The following GET3 variants were observed in gnomAD, a reference collection of about 807,000 sequenced individuals.
GET3 encodes the protein guided entry of tail-anchored proteins factor 3, ATPase, also known as ATPase GET3.
GET3 carries 15 observed loss-of-function variants against 32.4 expected under a neutral mutation model. The ratio of observed to expected loss-of-function variants is 0.46; its 90% CI spans 0.31 to 0.71. The LOEUF is 0.71. GET3 is among the 30% of genes least tolerant of loss of function. GET3 has a pLI of 0.05. For synonymous variants in GET3, 198 were observed against 185.6 expected, an observed-to-expected ratio of 1.07 and a Z score of -0.54; for missense variants, 333 against 459.0, an observed-to-expected ratio of 0.73 and a Z score of 2.51.
rs753293794 is a variant in GET3, at chr19:12,745,647, A to G, written c.497A>G (p.Asp166Gly). The change falls in exon 4 of 7, where the codon GAC (aspartate) becomes GGC (glycine). Residue 166 changes from aspartate to glycine, a missense_variant. Transcript: ENST00000357332. The surrounding 1 kb of genome is among the most constrained non-coding windows in gnomAD (Gnocchi z 5.0). Reference sequence around the variant, plus strand: ...ATGAACTTCTCGGTGGTGGTATTTGACACGGCACCCACGGGCCACACCCTG... The same window carrying G: ...ATGAACTTCTCGGTGGTGGTATTTGGCACGGCACCCACGGGCCACACCCTG... ...KGMNFSVVVF[D>G]TAPTGHTLRL... 8 of 1,603,402 alleles carry G rather than the reference A, an allele frequency of 5.0e-6. No homozygotes were observed. Among genetic ancestry groups the G allele is most frequent in the Non-Finnish European group, 6.8e-6 (8 of 1,176,560 alleles).
intron 2 of GET3, among the ~76,000 whole-genome samples, chr19:12,741,148 T>TC (rs1314892150): frequency 1.3e-5 from 2 of 151,070 alleles, no homozygotes; most frequent in Non-Finnish European, 2.9e-5. Flanking sequence ...ATGGTGGAAC[T>TC]CCATCTCTAC....
chr19:12,742,661 G>A (rs1369292942), intron 2 of GET3, among the ~76,000 whole-genome samples: 3 of 151,946 alleles, frequency 2.0e-5, no homozygotes, highest in East Asian at 1.9e-4. Context: ...TGATCCACCC[G>A]CCTTGGCCTC....
rs142166174 is a variant in GET3, at chr19:12,747,268, C to T, written c.681C>T (p.Pro227=). Residue 227 remains proline (P), a synonymous_variant, in exon 5 of 7, where the codon CCC becomes CCT. Coordinates refer to ENST00000357332, the MANE Select transcript of GET3 (RefSeq NM_004317.4). The surrounding 1 kb of genome is among the most constrained non-coding windows in gnomAD (Gnocchi z 4.0). ...QLASKLEETL[P]VIRSVSEQFK... ...CCTCCAAGCTGGAGGAGACGCTGCC[C>T]GTCATCCGCTCAGTCAGCGAACAGT... The T allele has an allele frequency of 8.0e-5, 129 of 1,612,002 alleles. No homozygotes were observed. The highest frequency in any genetic ancestry group is 5.5e-4 in the African/African-American group (41 of 74,980).
rs1967801167 is a variant in GET3 at position 12,747,741 on chromosome 19, A to T, written c.915+149A>T. 6 of 1,211,610 alleles carry T rather than the reference A, an allele frequency of 5.0e-6. No individual in the cohort carries two copies. The highest frequency in any genetic ancestry group is 6.9e-6 in the Non-Finnish European group (6 of 873,636). 75.1% of individuals were successfully genotyped at this position (1,211,610 alleles called of 1,614,324 possible). On this transcript the variant is annotated intron_variant, in intron 6 of 6. Transcript: ENST00000357332. The surrounding 1 kb of genome is among the most constrained non-coding windows in gnomAD (Gnocchi z 4.0). ...TCCTTCACCCTTATTCCGGCCATAG[A>T]GGACTGTGGCTGGCCTGGCCTAGGT...
chr19:12,739,564 G>GGGAAAACTA (rs1400663948), intron 2 of GET3, among the ~76,000 whole-genome samples: 1 of 152,190 alleles, frequency 6.6e-6, no homozygotes, highest in African/African-American at 2.4e-5. Flanking sequence ...AGCTGGGATG[G>GGGAAAACTA]GGAAAACTAG....
chr19:12,738,994 G>A (rs61349743), intron 2 of GET3, among the ~76,000 whole-genome samples: 1 of 152,166 alleles, frequency 6.6e-6, no homozygotes, highest in Non-Finnish European at 1.5e-5. Flanking sequence ...GGGCAATGTC[G>A]TGGCCAAATT....
At chr19:12,744,364 G>T (rs1384636337) in intron 2 of GET3, among the ~76,000 whole-genome samples, 1 of 152,040 alleles carries the variant, frequency 6.6e-6, no homozygotes, top group Non-Finnish European at 1.5e-5. Flanking sequence ...CTGTCACCCA[G>T]GCTGGAGTGT....
At chr19:12,741,316 C>T (rs1175105872) in intron 2 of GET3, among the ~76,000 whole-genome samples, 1 of 151,840 alleles carries the variant, frequency 6.6e-6, no homozygotes, top group African/African-American at 2.4e-5. Context: ...GTTAGCCGGG[C>T]GTGATGGCGG....
Position 12,748,140 on chromosome 19 carries a change from TCACCCTC to T in GET3, c.*45_*51del. The T allele has an allele frequency of 6.5e-7, 1 of 1,547,294 alleles. No homozygotes were observed. Among genetic ancestry groups the T allele is most frequent in the Non-Finnish European group, 8.8e-7 (1 of 1,139,260 alleles). ...AGCCCCAACCGCTGCCATTTCACAC[TCACCCTC>T]CACCCTCCCCACCCCCTCGGGGCAG... is the stretch of plus-strand genomic sequence containing the variant. On this transcript the variant is annotated 3_prime_UTR_variant, in exon 7 of 7. Transcript: ENST00000357332.
intron 2 of GET3, among the ~76,000 whole-genome samples, chr19:12,741,855 G>A (rs993207803): frequency 5.3e-5 from 8 of 152,276 alleles, no homozygotes; most frequent in African/African-American, 1.9e-4. Flanking sequence ...GGAGGCGGAG[G>A]TCACAGTGAG....
chr19:12,742,913 A>G (rs1967696868), intron 2 of GET3, among the ~76,000 whole-genome samples: 1 of 152,186 alleles, frequency 6.6e-6, no homozygotes. Flanking sequence ...TTTTGCCAAC[A>G]GCAAGGGGAA....
intron 2 of GET3, among the ~76,000 whole-genome samples, chr19:12,741,684 G>C (rs1333584796): frequency 6.6e-6 from 1 of 151,954 alleles, no homozygotes; most frequent in African/African-American, 2.4e-5. Flanking sequence ...GCTTGAACCT[G>C]GGAGACGGAG....
At chr19:12,740,242 A>G (rs990633865) in intron 2 of GET3, among the ~76,000 whole-genome samples, 1 of 151,688 alleles carries the variant, frequency 6.6e-6, no homozygotes, top group Non-Finnish European at 1.5e-5. Context: ...ATAGCTGGGC[A>G]TGGTGGCAGG....
chr19:12,739,508 A>T (rs1967627368), intron 2 of GET3, among the ~76,000 whole-genome samples: 1 of 152,212 alleles, frequency 6.6e-6, no homozygotes, highest in East Asian at 1.9e-4. Flanking sequence ...TACTTGGGTG[A>T]GAAAAAGAAA....
At chr19:12,737,804 C>T (rs950804064) in intron 1 of GET3, 138 bp downstream of exon 1, 7 of 1,193,598 alleles carry the variant, frequency 5.9e-6, no homozygotes, top group Non-Finnish European at 6.7e-6. Flanking sequence ...CTGGAAGTTA[C>T]CTGGAGCAAA....
Position 12,747,683 on chromosome 19 carries a change from C to T in GET3, c.915+91C>T. On this transcript the variant is annotated intron_variant, in intron 6 of 6. Coordinates refer to ENST00000357332, the MANE Select transcript of GET3 (RefSeq NM_004317.4). The surrounding 1 kb of genome is among the most constrained non-coding windows in gnomAD (Gnocchi z 4.0). ...GCTCCACCATCTGGCCCTCTGCCCT[C>T]TAGCCTCCTGCCCTTTGCCCCCACA... The T allele has an allele frequency of 7.0e-7, 1 of 1,438,070 alleles. No homozygotes were observed. The highest frequency in any genetic ancestry group is 1.4e-5 in the African/African-American group (1 of 70,696). The allele number at this position is 1,438,070 out of a possible 1,614,324, so 89.1% of individuals were successfully genotyped here.
rs190655289 is a variant in GET3 at position 12,744,254 on chromosome 19, G to A, written c.310-1123G>A. Among the ~76,000 whole-genome samples the A allele has an allele frequency of 4.0e-5, 6 of 150,952 alleles. No homozygotes were observed. The East Asian group carries it at 1.2e-3, about 30-fold the overall frequency. On this transcript the variant is annotated intron_variant, in intron 2 of 6. Transcript: ENST00000357332. Reference sequence around the variant, plus strand: ...AAAAAAAGAGGGAGGCATTGAGTCTGAGACTGGCCAGGGACCCCAGCCATG... The same window carrying A: ...AAAAAAAGAGGGAGGCATTGAGTCTAAGACTGGCCAGGGACCCCAGCCATG...
At position 12,748,248 on chromosome 19, in the gene GET3, G is replaced by C; in HGVS notation, c.*144G>C. 8.2e-6 allele frequency: 6 copies of C among 727,632 alleles called. No individual in the cohort carries two copies. Among genetic ancestry groups the C allele is most frequent in the Non-Finnish European group, 1.2e-5 (6 of 481,278 alleles). 45.1% of individuals were successfully genotyped at this position (727,632 alleles called of 1,614,324 possible). On this transcript the variant is annotated 3_prime_UTR_variant, in exon 7 of 7. Transcript: ENST00000357332. ...GGCAGGGAGGGGTCCATTCCCCCTGGTGGGGCTGGTGGGGAGCTGTAGTTG... is the reference window on the plus strand; with the variant it reads ...GGCAGGGAGGGGTCCATTCCCCCTGCTGGGGCTGGTGGGGAGCTGTAGTTG...
chr19:12,744,980 T>C (rs1967741491), intron 2 of GET3, among the ~76,000 whole-genome samples: 1 of 151,876 alleles, frequency 6.6e-6, no homozygotes, highest in Non-Finnish European at 1.5e-5. Context: ...ATCTGTGCTG[T>C]TACTTAGGGT....
Sources: gnomAD v4.1 joint callset for allele counts (sites outside exome capture counted in the v4.1 genomes callset) on GRCh38, gnomAD v4.1.1 for gene constraint, Gnocchi (gnomAD v3.1) non-coding constraint, MANE v1.5 for transcripts, NCBI Gene and HGNC (gene_info 2026-07-23, HGNC 2026-07-21) for gene names.